The following PIEZO2 variants were observed in gnomAD, a reference collection of about 807,000 sequenced individuals.
The protein encoded by PIEZO2 is piezo-type mechanosensitive ion channel component 2.
PIEZO2 carries 172 observed loss-of-function variants against 337.3 expected under a neutral mutation model. The ratio of observed to expected loss-of-function variants is 0.51; its 90% CI spans 0.45 to 0.58. The LOEUF is 0.58. Among genes scored for constraint, PIEZO2 ranks in the 20% least tolerant of loss-of-function variants. The probability of loss-of-function intolerance (pLI) is 0.00; values close to 1 mark genes in which losing one functional copy is unlikely to be tolerated. For synonymous variants in PIEZO2, 1,251 were observed against 1,228.5 expected, an observed-to-expected ratio of 1.02 and a Z score of -0.38; for missense variants, 3,028 against 3,391.3, an observed-to-expected ratio of 0.89 and a Z score of 2.66.
intron 41 of PIEZO2, 54 bp from the exon 42 acceptor site, chr18:10,704,706 T>C (rs1216449917): frequency 1.1e-5 from 16 of 1,504,622 alleles, no homozygotes; most frequent in Non-Finnish European, 1.3e-5. Flanking sequence ...CTTTTTGAGA[T>C]GGAGTTTTGC....
At chr18:10,679,374 G>A (rs534519763) in intron 52 of PIEZO2, among the ~76,000 whole-genome samples, 227 of 152,198 alleles carry the variant, frequency 1.5e-3, no homozygotes, top group Non-Finnish European at 2.8e-3. Context: ...CTCACTGTCA[G>A]CCTCTCTTTA....
intron 3 of PIEZO2, among the ~76,000 whole-genome samples, chr18:10,975,083 T>C (rs935126441): frequency 3.3e-5 from 5 of 152,222 alleles, no homozygotes; most frequent in Non-Finnish European, 7.3e-5. Context: ...GAGTCATTAA[T>C]TGAAAAAGGA....
chr18:11,125,619 G>A lies in PIEZO2; in HGVS notation c.64+22906C>T, dbSNP rs1200586572. Among the ~76,000 whole-genome samples, 2 of 152,194 alleles carry A rather than the reference G, an allele frequency of 1.3e-5. No individual in the cohort carries two copies. Among genetic ancestry groups the A allele is most frequent in the Non-Finnish European group, 2.9e-5 (2 of 68,034 alleles). ...GAGAAGAGCATCCTGGTTTTATGAA[G>A]TCCTGTTGTAACCATAATGAAAGAG... On this transcript the variant is annotated intron_variant, in intron 1 of 55. Coordinates refer to ENST00000674853, the MANE Select transcript of PIEZO2 (RefSeq NM_001378183.1). The surrounding 1 kb of genome is among the most constrained non-coding windows in gnomAD (Gnocchi z 4.4).
chr18:10,698,012 C>CAGATGCATTTGTGAACAATTACTGA (rs1555626668), intron 44 of PIEZO2, 132 bp from the exon 45 acceptor site: 13 of 1,062,304 alleles, frequency 1.2e-5, no homozygotes, highest in Middle Eastern at 2.6e-4. Context: ...TGAGTATGCA[C>CAGATGCATTTGTGAACAATTACTGA]GGCCTTGGGA....
intron 2 of PIEZO2, among the ~76,000 whole-genome samples, chr18:11,022,703 G>A (rs184878454): frequency 3.7e-4 from 56 of 152,264 alleles, no homozygotes; most frequent in Non-Finnish European, 5.4e-4. Flanking sequence ...GAATTTAAGG[G>A]GGACAGAATT....
intron 5 of PIEZO2, among the ~76,000 whole-genome samples, chr18:10,868,540 C>G (rs1257264965): frequency 6.6e-6 from 1 of 152,212 alleles, no homozygotes; most frequent in Admixed American, 6.5e-5. Context: ...TAGCCCCAAA[C>G]AAATGTAACT....
intron 39 of PIEZO2, among the ~76,000 whole-genome samples, chr18:10,712,401 G>A (rs1044052411): frequency 6.6e-6 from 1 of 152,176 alleles, no homozygotes; most frequent in African/African-American, 2.4e-5. Context: ...ATTAAAGAGA[G>A]AATGATTCAG....
rs2039522558 is a variant in PIEZO2 at position 11,105,096 on chromosome 18, A to G, written c.65-38874T>C. 6.6e-6 allele frequency among the ~76,000 whole-genome samples: 1 copy of G among 152,242 alleles called. No individual in the cohort carries two copies. Among genetic ancestry groups the G allele is most frequent in the Admixed American group, 6.5e-5 (1 of 15,286 alleles). The stretch of plus-strand genomic sequence containing the variant: ...GCTTGACTAAGCACGACACCACCAC[A>G]GAAGAAAACATAGCCAAGAAATGGA... On this transcript the variant is annotated intron_variant, in intron 1 of 55. Transcript: ENST00000674853. The surrounding 1 kb of genome is among the most constrained non-coding windows in gnomAD (Gnocchi z 4.3).
Position 10,795,483 on chromosome 18 carries a change from G to T in PIEZO2, c.1528-481C>A, listed in dbSNP as rs1046528638. Reference sequence around the variant, plus strand: ...AGAAAAAAAAATGGTATACTCCTGTGAGCTCAGAATGAGAGATTTGCTGCA... The same window carrying T: ...AGAAAAAAAAATGGTATACTCCTGTTAGCTCAGAATGAGAGATTTGCTGCA... On this transcript the variant is annotated intron_variant, in intron 12 of 55. Transcript: ENST00000674853. The surrounding 1 kb of genome is among the most constrained non-coding windows in gnomAD (Gnocchi z 4.4). Among the ~76,000 whole-genome samples, 7 of 151,744 alleles carry T rather than the reference G, an allele frequency of 4.6e-5. No homozygotes were observed. The highest frequency in any genetic ancestry group is 1.7e-4 in the African/African-American group (7 of 41,296).
chr18:11,068,495 T>C (rs1000969295), intron 1 of PIEZO2, among the ~76,000 whole-genome samples: 2 of 151,766 alleles, frequency 1.3e-5, no homozygotes, highest in African/African-American at 4.8e-5. Context: ...ATTAGCAAAA[T>C]TGGACACACA....
At chr18:11,026,638 G>T (rs571112250) in intron 2 of PIEZO2, among the ~76,000 whole-genome samples, 111 of 152,332 alleles carry the variant, frequency 7.3e-4, no homozygotes, top group African/African-American at 2.3e-3. Flanking sequence ...CAGCCTTGCT[G>T]GGCTGCTCCC....
intron 2 of PIEZO2, among the ~76,000 whole-genome samples, chr18:11,051,230 A>G (rs2037515291): frequency 6.6e-6 from 1 of 152,104 alleles, no homozygotes; most frequent in African/African-American, 2.4e-5. Flanking sequence ...ATGTTGTCCA[A>G]TCTCAGACTG....
chr18:11,081,394 G>T (rs190644741), intron 1 of PIEZO2, among the ~76,000 whole-genome samples: 30 of 152,284 alleles, frequency 2.0e-4, no homozygotes, highest in African/African-American at 6.5e-4. Flanking sequence ...AGGAGAAGAG[G>T]AAATCAAAAT....
chr18:10,919,382 T>C (rs1210074509), intron 3 of PIEZO2, among the ~76,000 whole-genome samples: 3 of 152,176 alleles, frequency 2.0e-5, no homozygotes, highest in African/African-American at 7.2e-5. Context: ...AATTTTTCAA[T>C]TTTCTTTTGT....
chr18:11,073,491 A>T (rs558636483), intron 1 of PIEZO2, among the ~76,000 whole-genome samples: 1 of 152,280 alleles, frequency 6.6e-6, no homozygotes, highest in South Asian at 2.1e-4. Context: ...CCCAAAAGCC[A>T]CCCGAGTCAG....
chr18:10,852,971 G>A (rs2041599058), intron 7 of PIEZO2, among the ~76,000 whole-genome samples: 2 of 151,788 alleles, frequency 1.3e-5, no homozygotes, highest in African/African-American at 4.8e-5. Flanking sequence ...CCAATATACA[G>A]AAAAAAAACA....
In PIEZO2 at chr18:10,721,314, T is replaced by G. The variant is rs79538268; in HGVS notation, c.5030-3055A>C. Among the ~76,000 whole-genome samples the G allele has an allele frequency of 2.6e-3, 394 of 152,310 alleles. 2 individuals are homozygous for G. Among genetic ancestry groups the G allele is most frequent in the Non-Finnish European group, 3.5e-3 (237 of 68,030 alleles). ...AGGCACATATGACAACAGCTGGCAC[T>G]TCAGAAGAATGGGATCCATGTGCTT... is the stretch of plus-strand genomic sequence containing the variant. On this transcript the variant is annotated intron_variant, in intron 36 of 55. Coordinates refer to ENST00000674853, the MANE Select transcript of PIEZO2 (RefSeq NM_001378183.1).
intron 43 of PIEZO2, among the ~76,000 whole-genome samples, chr18:10,699,963 C>A (rs1193177791): frequency 1.3e-5 from 2 of 152,160 alleles, no homozygotes; most frequent in African/African-American, 2.4e-5. Flanking sequence ...TGGTCAAAAC[C>A]AACTCCGAGA....
intron 45 of PIEZO2, among the ~76,000 whole-genome samples, chr18:10,696,986 G>A (rs369269321): frequency 4.6e-5 from 7 of 152,292 alleles, no homozygotes; most frequent in African/African-American, 1.7e-4. Flanking sequence ...GAATGCATGA[G>A]GGCGCTCAGA....
Sources: gnomAD v4.1 joint callset for allele counts (sites outside exome capture counted in the v4.1 genomes callset) on GRCh38, gnomAD v4.1.1 for gene constraint, Gnocchi (gnomAD v3.1) non-coding constraint, MANE v1.5 for transcripts, NCBI Gene and HGNC (gene_info 2026-07-23, HGNC 2026-07-21) for gene names.